BTBD9: variants seen among roughly 807,000 people sequenced by gnomAD.
The protein encoded by BTBD9 is BTB/POZ domain-containing protein 9.
BTBD9 carries 49 observed loss-of-function variants against 64.3 expected under a neutral mutation model. The observed-to-expected ratio is 0.76, with a 90% CI of 0.61 to 0.97. The LOEUF (loss-of-function observed/expected upper bound fraction) is 0.97. Among genes scored for constraint, BTBD9 ranks in the 50% least tolerant of loss-of-function variants. The pLI, the probability that BTBD9 is intolerant of heterozygous loss-of-function variation, is 0.00. For synonymous variants in BTBD9, 260 were observed against 274.7 expected, an observed-to-expected ratio of 0.95 and a Z score of 0.53; for missense variants, 598 against 762.1, an observed-to-expected ratio of 0.78 and a Z score of 2.53.
Position 38,173,320 on chromosome 6 carries a change from C to T in BTBD9, c.*1665G>A, listed in dbSNP as rs1431974369. On this transcript the variant is annotated 3_prime_UTR_variant, in exon 11 of 11. Coordinates refer to ENST00000481247, the MANE Select transcript of BTBD9 (RefSeq NM_001099272.2). Reference sequence around the variant, plus strand: ...CCTGGCATCCCAGGAGTGTTCCACTCTCCCACACAACAGGGAAGTGGCAGA... The same window carrying T: ...CCTGGCATCCCAGGAGTGTTCCACTTTCCCACACAACAGGGAAGTGGCAGA... The T allele has an allele frequency of 6.6e-6, 1 of 152,264 alleles. No homozygotes were observed. The highest frequency in any genetic ancestry group is 2.4e-5 in the African/African-American group (1 of 41,460). The allele number at this position is 152,264 out of a possible 1,614,324, so 9.4% of individuals were successfully genotyped here.
intron 1 of BTBD9, among the ~76,000 whole-genome samples, chr6:38,632,510 G>C (rs1385236366): frequency 1.3e-5 from 2 of 152,202 alleles, no homozygotes; most frequent in Non-Finnish European, 2.9e-5. Context: ...GGTAAACATT[G>C]TTTGGGGTGA....
intron 9 of BTBD9, among the ~76,000 whole-genome samples, chr6:38,197,712 C>A (rs1762311747): frequency 6.6e-6 from 1 of 152,200 alleles, no homozygotes; most frequent in African/African-American, 2.4e-5. Context: ...TACATTCACA[C>A]ATATGGCAAA....
At chr6:38,196,860 C>T (rs779611174) in intron 9 of BTBD9, among the ~76,000 whole-genome samples, 11 of 152,172 alleles carry the variant, frequency 7.2e-5, no homozygotes, top group Non-Finnish European at 1.2e-4. Flanking sequence ...TGCCCAGACC[C>T]ACCCACAAAA....
intron 10 of BTBD9, among the ~76,000 whole-genome samples, chr6:38,182,633 A>G (rs1761611545): frequency 2.0e-5 from 3 of 152,158 alleles, no homozygotes; most frequent in Admixed American, 1.3e-4. Context: ...CAGGCTCCGC[A>G]TGTACCTTCT....
At chr6:38,188,865 C>T (rs1761932478) in intron 10 of BTBD9, among the ~76,000 whole-genome samples, 1 of 152,204 alleles carries the variant, frequency 6.6e-6, no homozygotes, top group Admixed American at 6.5e-5. Context: ...GCGAAGTGCA[C>T]ACACCAAAGA....
rs202137483 is a variant in BTBD9, at chr6:38,224,217, G to GA, written c.1563-31621dup. Among the ~76,000 whole-genome samples the GA allele has an allele frequency of 5.8e-3, 863 of 147,746 alleles. 21 individuals carry two copies. Among genetic ancestry groups the GA allele is most frequent in the Admixed American group, 0.039 (574 of 14,836 alleles). ...GACAGAGCAAGACTCTGTCTCAAAA[G>GA]AAAAAAAAAACTTATGAGGTATGGA... is the stretch of plus-strand genomic sequence containing the variant. On this transcript the variant is annotated intron_variant, in intron 9 of 10. Coordinates refer to ENST00000481247, the MANE Select transcript of BTBD9 (RefSeq NM_001099272.2).
intron 7 of BTBD9, among the ~76,000 whole-genome samples, chr6:38,303,840 G>T (rs796229657): frequency 1.6e-4 from 12 of 75,308 alleles, no homozygotes; most frequent in East Asian, 3.1e-4. Context: ...TTAGTTGCTA[G>T]ATATATATAT....
chr6:38,577,934 C>T lies in BTBD9; in HGVS notation c.1035-215G>A, dbSNP rs569733683. Among the ~76,000 whole-genome samples, 5 of 152,308 alleles carry T rather than the reference C, an allele frequency of 3.3e-5. No individual in the cohort carries two copies. The South Asian group carries it at 1.0e-3, about 32-fold the overall frequency. On this transcript the variant is annotated intron_variant, in intron 5 of 10. Coordinates refer to ENST00000481247, the MANE Select transcript of BTBD9 (RefSeq NM_001099272.2). ...AGGTTGTCTGTCTGCTTTCTCAAAT[C>T]ATAAGCTGCTTAAGAACAAAGGCCA...
intron 9 of BTBD9, among the ~76,000 whole-genome samples, chr6:38,226,397 G>A (rs1164992587): frequency 2.0e-5 from 3 of 152,174 alleles, no homozygotes; most frequent in East Asian, 3.9e-4. Flanking sequence ...ATGACAGAGT[G>A]GGGGCAGGGG....
rs907417589 is a variant in BTBD9, at chr6:38,170,683, G to A, written c.*4302C>T. ...AACTCTGAGCAAACACCAGGCACTA[G>A]GACAACTTCTAATTTAATATTATAA... is the stretch of plus-strand genomic sequence containing the variant. On this transcript the variant is annotated 3_prime_UTR_variant, in exon 11 of 11. Transcript: ENST00000481247. 6.6e-6 allele frequency: 1 copy of A among 152,196 alleles called. No homozygotes were observed. The highest frequency in any genetic ancestry group is 1.5e-5 in the Non-Finnish European group (1 of 68,048). 9.4% of individuals were successfully genotyped at this position (152,196 alleles called of 1,614,324 possible).
chr6:38,250,325 G>A (rs566860488), intron 9 of BTBD9, among the ~76,000 whole-genome samples: 68 of 152,156 alleles, frequency 4.5e-4, no homozygotes, highest in African/African-American at 1.5e-3. Context: ...CTTCTGCAAC[G>A]GAAAAAACTA....
At position 38,507,921 on chromosome 6, in the gene BTBD9, C is replaced by T. The variant is rs1259110857; in HGVS notation, c.1154+69679G>A. ...CGATCTCGGCTCACTTTACGCTCCG[C>T]CTCCTAGGTTCACGCCATTCTCCTA... On this transcript the variant is annotated intron_variant, in intron 6 of 10. Coordinates refer to ENST00000481247, the MANE Select transcript of BTBD9 (RefSeq NM_001099272.2). Among the ~76,000 whole-genome samples the T allele has an allele frequency of 3.3e-5, 5 of 151,390 alleles. No homozygotes were observed. The South Asian group carries it at 6.3e-4, about 19-fold the overall frequency.
intron 8 of BTBD9, among the ~76,000 whole-genome samples, chr6:38,268,124 T>G (rs73730921): frequency 0.34 from 51,972 of 151,934 alleles, 9,610 homozygotes; most frequent in Non-Finnish European, 0.42. Context: ...AAAAACAACC[T>G]CCCCCAGCCA....
intron 6 of BTBD9, among the ~76,000 whole-genome samples, chr6:38,559,874 T>C (rs185643300): frequency 8.9e-4 from 135 of 152,298 alleles, no homozygotes; most frequent in African/African-American, 2.9e-3. Flanking sequence ...TGGCTGGTCA[T>C]ATGCAGAAAA....
chr6:38,390,150 G>A (rs1024862821), intron 6 of BTBD9, among the ~76,000 whole-genome samples: 2 of 152,088 alleles, frequency 1.3e-5, no homozygotes, highest in Non-Finnish European at 2.9e-5. Context: ...CATTCTCCTC[G>A]GGATGTAGAG....
chr6:38,204,210 T>C (rs1582045624), intron 9 of BTBD9, among the ~76,000 whole-genome samples: 1 of 152,168 alleles, frequency 6.6e-6, no homozygotes, highest in South Asian at 2.1e-4. Context: ...ATCCAAAAAT[T>C]CTACTTCAAG....
At chr6:38,238,618 G>A (rs920984737) in intron 9 of BTBD9, among the ~76,000 whole-genome samples, 9 of 151,860 alleles carry the variant, frequency 5.9e-5, no homozygotes, top group East Asian at 1.9e-4. Context: ...GACTACAGGC[G>A]CCCACCACCA....
intron 9 of BTBD9, among the ~76,000 whole-genome samples, chr6:38,232,684 A>G (rs1763651395): frequency 6.8e-6 from 1 of 147,930 alleles, no homozygotes; most frequent in Non-Finnish European, 1.5e-5. Context: ...TTTTTTTTGA[A>G]GATAAGGTCT....
At chr6:38,324,089 T>C (rs1763332221) in intron 7 of BTBD9, among the ~76,000 whole-genome samples, 1 of 152,216 alleles carries the variant, frequency 6.6e-6, no homozygotes, top group Admixed American at 6.5e-5. Context: ...GGTGACAGCC[T>C]GTCTCGCGGT....
Sources: gnomAD v4.1 joint callset for allele counts (sites outside exome capture counted in the v4.1 genomes callset) on GRCh38, gnomAD v4.1.1 for gene constraint, MANE v1.5 for transcripts, NCBI Gene and HGNC (gene_info 2026-07-23, HGNC 2026-07-21) for gene names.